The following GUCY1A2 variants were observed in gnomAD, a reference collection of about 807,000 sequenced individuals.
GUCY1A2 encodes the protein guanylate cyclase soluble subunit alpha-2.
Under a neutral mutation model 63.5 loss-of-function variants are expected in GUCY1A2, and 27 were observed. The ratio of observed to expected loss-of-function variants is 0.43; its 90% confidence interval spans 0.31 to 0.59. GUCY1A2 has a LOEUF of 0.59. Among genes scored for constraint, GUCY1A2 ranks in the 20% least tolerant of loss-of-function variants. The pLI, the probability that GUCY1A2 is intolerant of heterozygous loss-of-function variation, is 0.11. For synonymous variants in GUCY1A2, 364 were observed against 343.5 expected (o/e 1.06, Z -0.66); for missense variants, 768 against 913.3 (o/e 0.84, Z 2.05).
At chr11:106,839,431 C>T (rs1859165151) in intron 4 of GUCY1A2, among the ~76,000 whole-genome samples, 1 of 151,588 alleles carries the variant, frequency 6.6e-6, no homozygotes, top group Non-Finnish European at 1.5e-5. Context: ...CCAGTTCAAC[C>T]GTTGTGGAAG....
intron 6 of GUCY1A2, among the ~76,000 whole-genome samples, chr11:106,775,083 C>CT (rs1201769723): frequency 6.6e-6 from 1 of 152,016 alleles, no homozygotes; most frequent in Non-Finnish European, 1.5e-5. Flanking sequence ...GTGTGTGTGG[C>CT]TTTTTTCTTT....
chr11:106,680,875 T>G lies in GUCY1A2; in HGVS notation c.*6674A>C, dbSNP rs1266605244. On this transcript the variant is annotated 3_prime_UTR_variant, in exon 8 of 8. Transcript: ENST00000526355. Reference sequence around the variant, plus strand: ...GCAATAATAGGAGCTGTCATCTTATTTAGATGCTTAGGAATGAATCCTAAG... The same window carrying G: ...GCAATAATAGGAGCTGTCATCTTATGTAGATGCTTAGGAATGAATCCTAAG... 2 of 204,882 alleles carry G rather than the reference T, an allele frequency of 9.8e-6. No homozygotes were observed. Among genetic ancestry groups the G allele is most frequent in the African/African-American group, 4.6e-5 (2 of 43,678 alleles). 12.7% of individuals were successfully genotyped at this position (204,882 alleles called of 1,614,324 possible).
At position 106,674,384 on chromosome 11, in the gene GUCY1A2, GTAT is replaced by G. The variant is rs534600848; in HGVS notation, c.*13162_*13164del. The G allele has an allele frequency of 3.8e-4, 68 of 177,200 alleles. No individual in the cohort carries two copies. The highest frequency in any genetic ancestry group is 5.3e-4 in the Non-Finnish European group (44 of 82,362). The allele number at this position is 177,200 out of a possible 1,614,324, so 11.0% of individuals were successfully genotyped here. A position where few individuals can be genotyped will look rare whatever the true frequency, so the allele number is the denominator to read the frequency against. ...TCTTATATGAGTTATACTTTTACAT[GTAT>G]TATTCTTAAAATTCTAGTGAAATGA... On this transcript the variant is annotated 3_prime_UTR_variant, in exon 8 of 8. Coordinates refer to ENST00000526355, the MANE Select transcript of GUCY1A2 (RefSeq NM_000855.3).
intron 3 of GUCY1A2, 48 bp from the exon 4 acceptor site, chr11:106,940,226 T>A (rs757840158): frequency 2.0e-5 from 17 of 851,248 alleles, no homozygotes; most frequent in Non-Finnish European, 3.2e-5. Context: ...ATATAAATAA[T>A]TGAATTTATA....
At chr11:106,960,920 T>C (rs548031548) in intron 3 of GUCY1A2, among the ~76,000 whole-genome samples, 25 of 151,376 alleles carry the variant, frequency 1.7e-4, no homozygotes, top group African/African-American at 5.8e-4. Context: ...TGGAAAGGAG[T>C]GCCAGAGATT....
At chr11:106,687,957 T>TA (rs575022183) in intron 7 of GUCY1A2, among the ~76,000 whole-genome samples, 13 of 152,194 alleles carry the variant, frequency 8.5e-5, no homozygotes, top group Middle Eastern at 3.4e-3. Flanking sequence ...GTGATAATAA[T>TA]AAAAAAACCC....
intron 6 of GUCY1A2, among the ~76,000 whole-genome samples, chr11:106,738,427 TG>T (rs1863628447): frequency 6.6e-6 from 1 of 152,236 alleles, no homozygotes; most frequent in Admixed American, 6.5e-5. Context: ...TGGCTTTTGT[TG>T]CCATTGCTTT....
At chr11:106,742,188 T>C (rs1164206730) in intron 6 of GUCY1A2, among the ~76,000 whole-genome samples, 1 of 151,658 alleles carries the variant, frequency 6.6e-6, no homozygotes, top group African/African-American at 2.4e-5. Context: ...ATGAATTTTC[T>C]TTTTTTTTCT....
chr11:106,725,319 C>A (rs1407899401), intron 6 of GUCY1A2, among the ~76,000 whole-genome samples: 1 of 99,552 alleles, frequency 1.0e-5, no homozygotes, highest in East Asian at 2.1e-4. Flanking sequence ...ACTACAGGCG[C>A]CCGCCACTAC....
At chr11:106,760,492 G>T (rs1864047650) in intron 6 of GUCY1A2, among the ~76,000 whole-genome samples, 1 of 152,120 alleles carries the variant, frequency 6.6e-6, no homozygotes, top group South Asian at 2.1e-4. Context: ...AACAGTCATA[G>T]TTTTTCACTT....
intron 4 of GUCY1A2, among the ~76,000 whole-genome samples, chr11:106,928,384 A>G (rs1860556914): frequency 6.6e-6 from 1 of 152,176 alleles, no homozygotes; most frequent in African/African-American, 2.4e-5. Context: ...GACAAGAAAT[A>G]TAATTCTTGA....
chr11:107,011,549 A>AATATATTTATAATATATACACAT (rs1287301388), intron 1 of GUCY1A2, among the ~76,000 whole-genome samples: 1 of 146,708 alleles, frequency 6.8e-6, no homozygotes, highest in Admixed American at 6.9e-5. Context: ...TAAATATATA[A>AATATATTTATAATATATACACAT]ATATATTTAT....
intron 3 of GUCY1A2, among the ~76,000 whole-genome samples, chr11:106,964,737 T>TG (rs1861104600): frequency 6.6e-6 from 1 of 152,148 alleles, no homozygotes; most frequent in African/African-American, 2.4e-5. Context: ...CCCAGCACTT[T>TG]GGGAGGCCAA....
rs550690709 is a variant in GUCY1A2, at chr11:106,698,141, A to T, written c.1991+10371T>A. On this transcript the variant is annotated intron_variant, in intron 7 of 7. Transcript: ENST00000526355. ...AGAATTTTTTTTTTTTTTTTTTTAG[A>T]CAGGGTCTCACTCTGTTGCTGAAGC... Among the ~76,000 whole-genome samples, 13 of 38,214 alleles carry T rather than the reference A, an allele frequency of 3.4e-4. No homozygotes were observed. The South Asian group carries it at 6.1e-3, about 18-fold the overall frequency. The allele number at this position is 38,214 out of a possible 152,430, so 25.1% of individuals were successfully genotyped here.
At chr11:106,704,276 A>G (rs1862867706) in intron 7 of GUCY1A2, among the ~76,000 whole-genome samples, 2 of 152,196 alleles carry the variant, frequency 1.3e-5, no homozygotes, top group Admixed American at 6.5e-5. Flanking sequence ...TGAATGTCTA[A>G]TATGTTCCAA....
At chr11:106,823,447 A>G (rs954473143) in intron 4 of GUCY1A2, among the ~76,000 whole-genome samples, 1 of 152,158 alleles carries the variant, frequency 6.6e-6, no homozygotes, top group Non-Finnish European at 1.5e-5. Flanking sequence ...ATGGCCATAT[A>G]GTATTACTTG....
In GUCY1A2 at chr11:106,878,365, T is replaced by C. The variant is rs1406106685; in HGVS notation, c.1206+61095A>G. On this transcript the variant is annotated intron_variant, in intron 4 of 7. Coordinates refer to ENST00000526355, the MANE Select transcript of GUCY1A2 (RefSeq NM_000855.3). The stretch of plus-strand genomic sequence containing the variant: ...TTTCCTCACTATTCATAGTAGCAAA[T>C]AGAACCAACCTAAATGCCCATCAAT... Among the ~76,000 whole-genome samples, 5 of 151,742 alleles carry C rather than the reference T, an allele frequency of 3.3e-5. No homozygotes were observed. In the East Asian group the frequency reaches 5.8e-4, roughly 18 times the overall value.
chr11:106,927,868 G>A (rs958911778), intron 4 of GUCY1A2, among the ~76,000 whole-genome samples: 4 of 152,046 alleles, frequency 2.6e-5, no homozygotes, highest in East Asian at 3.9e-4. Flanking sequence ...CACCACGCCC[G>A]GCCTGGAATA....
At chr11:106,836,732 T>C (rs984340738) in intron 4 of GUCY1A2, among the ~76,000 whole-genome samples, 1 of 151,954 alleles carries the variant, frequency 6.6e-6, no homozygotes, top group African/African-American at 2.4e-5. Context: ...CATGCCATTT[T>C]AAGAGGATAC....
Sources: allele counts gnomAD v4.1 joint callset (sites outside exome capture counted in the v4.1 genomes callset), GRCh38; gene constraint gnomAD v4.1.1; transcripts MANE v1.5; gene names NCBI Gene and HGNC (gene_info 2026-07-23, HGNC 2026-07-21).